SH3GLB2: variants seen among roughly 807,000 people sequenced by gnomAD.
SH3GLB2 encodes endophilin-B2.
Under a neutral mutation model 48.0 loss-of-function variants are expected in SH3GLB2, and 24 were observed. The observed-to-expected ratio is 0.50, with a 90% CI of 0.36 to 0.70. The LOEUF is 0.70. Ranked by LOEUF, SH3GLB2 falls within the 30% of genes least tolerant of loss-of-function variation. The pLI, the probability that SH3GLB2 is intolerant of heterozygous loss-of-function variation, is 0.00. For missense variants in SH3GLB2, 425 were observed against 516.0 expected (o/e 0.82, Z 1.71); for synonymous variants, 227 against 207.6 (o/e 1.09, Z -0.80).
In SH3GLB2 at chr9:129,008,472, C is replaced by T. The variant is rs1298772139; in HGVS notation, c.*212G>A. 6 of 524,086 alleles carry T rather than the reference C, an allele frequency of 1.1e-5. No individual in the cohort carries two copies. The highest frequency in any genetic ancestry group is 5.8e-5 in the African/African-American group (3 of 51,986). The allele number at this position is 524,086 out of a possible 1,614,324, so 32.5% of individuals were successfully genotyped here. A position where few individuals can be genotyped will look rare whatever the true frequency, so the allele number is the denominator to read the frequency against. Reference sequence around the variant, plus strand: ...TCGGGGATGCAGGCAGGGGCAGGGGCTCCAGAGCCACAGGTCAGAAGCAGG... The same window carrying T: ...TCGGGGATGCAGGCAGGGGCAGGGGTTCCAGAGCCACAGGTCAGAAGCAGG... On this transcript the variant is annotated 3_prime_UTR_variant, in exon 11 of 11. Coordinates refer to ENST00000372564, the MANE Select transcript of SH3GLB2 (RefSeq NM_020145.4).
chr9:129,010,798 C>T (rs1202503557), intron 6 of SH3GLB2, 105 bp from the exon 7 acceptor site: 20 of 1,403,986 alleles, frequency 1.4e-5, no homozygotes, highest in Admixed American at 3.9e-5. Context: ...CTTCTGCCCC[C>T]CTGCCCCTCT....
rs538356378 is a variant in SH3GLB2 at position 129,014,140 on chromosome 9, TCCAGCTGCCTGGCGGGGTGGTGCAC to T, written c.561+246_561+270del. The T allele has an allele frequency of 1.4e-4, 87 of 611,260 alleles. No homozygotes were observed. The highest frequency in any genetic ancestry group is 1.3e-3 in the South Asian group (79 of 61,448). 37.9% of individuals were successfully genotyped at this position (611,260 alleles called of 1,614,324 possible). ...GGGCAGGGCAGGGCATGCAGGAGAC[TCCAGCTGCCTGGCGGGGTGGTGCAC>T]CCAGCTGGGGGCACTGCTGGTCCGC... On this transcript the variant is annotated intron_variant, in intron 5 of 10. Coordinates refer to ENST00000372564, the MANE Select transcript of SH3GLB2 (RefSeq NM_020145.4). The surrounding 1 kb of genome is among the most constrained non-coding windows in gnomAD (Gnocchi z 4.1).
In SH3GLB2 at chr9:129,011,075, T is replaced by C. The variant is rs1012877995; in HGVS notation, c.625-382A>G. 3.8e-5 allele frequency: 9 copies of C among 238,856 alleles called. No individual in the cohort carries two copies. The highest frequency in any genetic ancestry group is 7.3e-5 in the Non-Finnish European group (9 of 123,574). 14.8% of individuals were successfully genotyped at this position (238,856 alleles called of 1,614,324 possible). A position where few individuals can be genotyped will look rare whatever the true frequency, so the allele number is the denominator to read the frequency against. ...CCCTGGGCCAGTCACTGAAGCTTTCTGTCCTCTGGCAGAGAAAGGTGGCCT... is the reference window on the plus strand; with the variant it reads ...CCCTGGGCCAGTCACTGAAGCTTTCCGTCCTCTGGCAGAGAAAGGTGGCCT... On this transcript the variant is annotated intron_variant, in intron 6 of 10. Coordinates refer to ENST00000372564, the MANE Select transcript of SH3GLB2 (RefSeq NM_020145.4). The surrounding 1 kb of genome is among the most constrained non-coding windows in gnomAD (Gnocchi z 4.5).
intron 1 of SH3GLB2, among the ~76,000 whole-genome samples, chr9:129,027,063 A>G (rs1844205822): frequency 6.6e-6 from 1 of 152,168 alleles, no homozygotes; most frequent in African/African-American, 2.4e-5. Context: ...ACAAGACTAC[A>G]GGACCTGCTC....
In SH3GLB2 at chr9:129,028,119, C is replaced by T; in HGVS notation, c.36G>A (p.Ala12=). 6.7e-7 allele frequency: 1 copy of T among 1,498,468 alleles called. No homozygotes were observed. The highest frequency in any genetic ancestry group is 8.9e-7 in the Non-Finnish European group (1 of 1,126,412). 92.8% of individuals were successfully genotyped at this position (1,498,468 alleles called of 1,614,324 possible). A position where few individuals can be genotyped will look rare whatever the true frequency, so the allele number is the denominator to read the frequency against. ...GCACCGCCCGGGTGAAGAAGATGCC[C>T]GCGTCCGACGCCAGCTTCTTCATGT... is the stretch of plus-strand genomic sequence containing the variant. The part of the protein sequence containing the change: ...DFNMKKLASD[A]GIFFTRAVQF... The change falls in exon 1 of 11, where the codon GCG becomes GCA. Residue 12 remains alanine, a synonymous_variant. Coordinates refer to ENST00000372564, the MANE Select transcript of SH3GLB2 (RefSeq NM_020145.4).
Position 129,010,287 on chromosome 9 carries a change from G to A in SH3GLB2, c.649-78C>T. On this transcript the variant is annotated intron_variant, in intron 7 of 10. Transcript: ENST00000372564. ...CGCAGTCTTCTCCTGGAGCCTACCT[G>A]GGAGCCGCCTGTCCCTTTCCCCTGG... 2.4e-6 allele frequency: 3 copies of A among 1,242,350 alleles called. No individual in the cohort carries two copies. In the Admixed American group the frequency reaches 5.5e-5, roughly 23 times the overall value. 77.0% of individuals were successfully genotyped at this position (1,242,350 alleles called of 1,614,324 possible). A position where few individuals can be genotyped will look rare whatever the true frequency, so the allele number is the denominator to read the frequency against.
chr9:129,021,265 C>T (rs1487061322), intron 2 of SH3GLB2, 46 bp from the exon 3 acceptor site: 3 of 1,548,326 alleles, frequency 1.9e-6, no homozygotes, highest in Non-Finnish European at 2.6e-6. Flanking sequence ...TTAGTTCAAG[C>T]CCAAAAATGA....
Position 129,018,343 on chromosome 9 carries a change from C to T in SH3GLB2, c.334+2748G>A, listed in dbSNP as rs182739879. 3.5e-3 allele frequency among the ~76,000 whole-genome samples: 525 copies of T among 151,434 alleles called. 2 individuals carry two copies. The highest frequency in any genetic ancestry group is 0.012 in the African/African-American group (502 of 41,454). The stretch of plus-strand genomic sequence containing the variant: ...CTGTAATCCCAGCACTTTGGGAGGC[C>T]AAGGCGGGCGGATCACAAGGTCAGG... On this transcript the variant is annotated intron_variant, in intron 3 of 10. Coordinates refer to ENST00000372564, the MANE Select transcript of SH3GLB2 (RefSeq NM_020145.4).
rs1027512256 is a variant in SH3GLB2 at position 129,007,459 on chromosome 9, C to T, written c.*1225G>A. The T allele has an allele frequency of 1.3e-5, 2 of 152,094 alleles. No individual in the cohort carries two copies. The highest frequency in any genetic ancestry group is 4.8e-5 in the African/African-American group (2 of 41,404). The allele number at this position is 152,094 out of a possible 1,614,324, so 9.4% of individuals were successfully genotyped here. A position where few individuals can be genotyped will look rare whatever the true frequency, so the allele number is the denominator to read the frequency against. ...CTCTTCAGAAGCCCCAACAGTGGGGCCTACTGGCTGTTGGCCTTCTCAGGA... is the reference window on the plus strand; with the variant it reads ...CTCTTCAGAAGCCCCAACAGTGGGGTCTACTGGCTGTTGGCCTTCTCAGGA... On this transcript the variant is annotated 3_prime_UTR_variant, in exon 11 of 11. Coordinates refer to ENST00000372564, the MANE Select transcript of SH3GLB2 (RefSeq NM_020145.4).
At chr9:129,019,333 A>G (rs1005362241) in intron 3 of SH3GLB2, among the ~76,000 whole-genome samples, 5 of 152,030 alleles carry the variant, frequency 3.3e-5, no homozygotes, top group Non-Finnish European at 7.3e-5. Context: ...GGTTGCAGTG[A>G]GCTGAGATTG....
chr9:129,009,822 TA>T lies in SH3GLB2; in HGVS notation c.787del (p.Tyr263ThrfsTer34). Reference protein sequence around the residue: ...LHEFVKSQTTYYAQCYRHMLD... With the variant: ...LHEFVKSQTTXYAQCYRHMLD... ...CATGTGGCGGTAGCACTGTGCGTAG[TA>T]GGTTGTCTGAGACTTGACGAACTCG... On this transcript the variant is annotated frameshift_variant, in exon 9 of 11. Coordinates refer to ENST00000372564, the MANE Select transcript of SH3GLB2 (RefSeq NM_020145.4). LOFTEE classifies it high-confidence loss of function. The T allele has an allele frequency of 6.2e-7, 1 of 1,614,024 alleles. No individual in the cohort carries two copies. Among genetic ancestry groups the T allele is most frequent in the South Asian group, 1.1e-5 (1 of 91,068 alleles).
Position 129,025,623 on chromosome 9 carries a change from A to AAGGCAGGCAGGCAGGC in SH3GLB2, c.63+2453_63+2468dup, listed in dbSNP as rs764337598. 1.7e-3 allele frequency among the ~76,000 whole-genome samples: 247 copies of AAGGCAGGCAGGCAGGC among 146,208 alleles called. 1 individual carries two copies. The highest frequency in any genetic ancestry group is 6.0e-3 in the African/African-American group (239 of 39,882). On this transcript the variant is annotated intron_variant, in intron 1 of 10. Transcript: ENST00000372564. The stretch of plus-strand genomic sequence containing the variant: ...AGAGGGACTAAGGGAGGAAGGAAGG[A>AAGGCAGGCAGGCAGGC]AGGCAGGCAGGCAGGCAGGCAGGCA...
chr9:129,009,509 A>C, intron 9 of SH3GLB2, 163 bp from the exon 10 acceptor site: 1 of 1,548,408 alleles, frequency 6.5e-7, no homozygotes, highest in Non-Finnish European at 8.7e-7. Context: ...GAAGGGTGAG[A>C]TGGCCCCACC....
chr9:129,019,102 G>C (rs958978248), intron 3 of SH3GLB2, among the ~76,000 whole-genome samples: 33 of 150,790 alleles, frequency 2.2e-4, no homozygotes, highest in African/African-American at 8.1e-4. Flanking sequence ...AAATTAGACT[G>C]TGGGCCGGGC....
chr9:129,010,165 T>G lies in SH3GLB2; in HGVS notation c.693A>C (p.Gln231His). 1 of 1,614,052 alleles carries G rather than the reference T, an allele frequency of 6.2e-7. No individual in the cohort carries two copies. The highest frequency in any genetic ancestry group is 2.2e-5 in the East Asian group (1 of 44,858). ...CCAGCAAGAGACGGGTCACTTCTGC[T>G]TGCCGGTCAAACTCTGTCTGGGCCA... ...LRVAQTEFDR[Q>H]AEVTRLLLEG... is the part of the protein sequence containing the mutation. Residue 231 changes from glutamine to histidine, a missense_variant, in exon 8 of 11, where the codon CAA (glutamine) becomes CAC (histidine). Physicochemically the swap from Gln to His is conservative, Grantham distance 24 (BLOSUM62 0). Transcript: ENST00000372564.
chr9:129,026,943 A>T (rs977554557), intron 1 of SH3GLB2, among the ~76,000 whole-genome samples: 1 of 151,706 alleles, frequency 6.6e-6, no homozygotes, highest in Non-Finnish European at 1.5e-5. Context: ...ACATGACTAC[A>T]TGGGTTGCTG....
chr9:129,013,972 G>C (rs759683263), intron 5 of SH3GLB2: 1 of 459,936 alleles, frequency 2.2e-6, no homozygotes, highest in Non-Finnish European at 4.4e-6. Context: ...GCAAGCGGGC[G>C]GTCCAGCTCC....
At chr9:129,023,707 G>A (rs1264759258) in intron 1 of SH3GLB2, among the ~76,000 whole-genome samples, 2 of 152,038 alleles carry the variant, frequency 1.3e-5, no homozygotes, top group Non-Finnish European at 2.9e-5. Context: ...GCGGCCACCA[G>A]GAGCTCAGCA....
At chr9:129,020,888 A>AAC (rs113074413) in intron 3 of SH3GLB2, among the ~76,000 whole-genome samples, 79,472 of 150,798 alleles carry the variant, frequency 0.53, 21,179 homozygotes, top group African/African-American at 0.6. Context: ...ACAAAAACAA[A>AAC]ACACACACAC....
Sources: gnomAD v4.1 joint callset for allele counts (sites outside exome capture counted in the v4.1 genomes callset) on GRCh38, gnomAD v4.1.1 for gene constraint, Gnocchi (gnomAD v3.1) non-coding constraint, MANE v1.5 for transcripts, NCBI Gene and HGNC (gene_info 2026-07-23, HGNC 2026-07-21) for gene names.